HELZ2: variants seen among roughly 807,000 people sequenced by gnomAD.
HELZ2 encodes the protein helicase with zinc finger 2.
In HELZ2, 143 loss-of-function variants were observed where a neutral mutation model predicts 208.8. That is an observed-to-expected ratio of 0.68 (90% CI 0.60 to 0.79). The LOEUF (loss-of-function observed/expected upper bound fraction) is 0.79, where lower values mean the gene tolerates loss of function less well. Ranked by LOEUF, HELZ2 falls within the 30% of genes least tolerant of loss-of-function variation. The pLI is 0.00. For synonymous variants in HELZ2, 1,705 were observed against 1,693.7 expected (o/e 1.01, Z -0.16); for missense variants, 3,690 against 3,794.5 (o/e 0.97, Z 0.72).
upstream of HELZ2, chr20:63,572,656 G>A (rs1483083037): frequency 2.2e-5 from 10 of 448,956 alleles, no homozygotes; most frequent in Admixed American, 1.2e-4. Flanking sequence ...CGAAGCGGCC[G>A]CCAAACTCCG....
At chr20:63,573,843 T>G (rs957087538), upstream of HELZ2, among the ~76,000 whole-genome samples, 1 of 151,976 alleles carries the variant, frequency 6.6e-6, no homozygotes, top group Non-Finnish European at 1.5e-5. The surrounding 1 kb of genome is among the most constrained non-coding windows in gnomAD (Gnocchi z 4.9). Flanking sequence ...GAGGCAGACT[T>G]CAGTATGAGA....
At chr20:63,568,238 G>T (rs1317329092) in intron 5 of HELZ2, 120 bp downstream of exon 6, 3 of 788,688 alleles carry the variant, frequency 3.8e-6, no homozygotes, top group Non-Finnish European at 6.3e-6. Context: ...GCCCAAAGCT[G>T]GTCGGCTACA....
At chr20:63,560,225 G>A (rs867555513) in exon 17 of HELZ2, 1 of 1,558,256 alleles carries the variant, frequency 6.4e-7, no homozygotes, top group Non-Finnish European at 8.7e-7. Context: ...TCTCGCCGAA[G>A]GGCCTTGCTG....
upstream of HELZ2, chr20:63,572,591 TCCA>T (rs1235372877): frequency 1.8e-6 from 1 of 564,248 alleles, no homozygotes; most frequent in Non-Finnish European, 3.1e-6. Flanking sequence ...CCCCTGGGGG[TCCA>T]CGCGACAGAT....
At chr20:63,563,469 G>A in exon 8 of HELZ2, 1 of 1,518,398 alleles carries the variant, frequency 6.6e-7, no homozygotes, top group Non-Finnish European at 8.8e-7. Flanking sequence ...CGGCCTGCCA[G>A]GGCGTGGGGG....
chr20:63,563,186 C>T lies in HELZ2; in HGVS notation c.5636G>A (p.Ser1879Asn), dbSNP rs1569030554. The T allele has an allele frequency of 3.1e-6, 5 of 1,590,368 alleles. No individual in the cohort carries two copies. Among genetic ancestry groups the T allele is most frequent in the East Asian group, 2.3e-5 (1 of 44,274 alleles). Reference sequence around the variant, plus strand: ...GAGCTGCACCTGCAGGGTGTCCCCACTGCCCAGCTCCCGGGCCACCTCCAG... The same window carrying T: ...GAGCTGCACCTGCAGGGTGTCCCCATTGCCCAGCTCCCGGGCCACCTCCAG... The change falls in exon 8 of 19, where the codon AGT (serine) becomes AAT (asparagine). Residue 1879 changes from serine to asparagine, a missense_variant. By Grantham distance (46) the Ser-to-Asn change is conservative. Coordinates refer to ENST00000467148, the Ensembl canonical transcript of HELZ2.
intron 18 of HELZ2, 97 bp downstream of exon 19, chr20:63,559,831 A>C: frequency 7.7e-7 from 1 of 1,298,556 alleles, no homozygotes. Flanking sequence ...AGTCAGGGTC[A>C]GGTCGGAGTC....
exon 8 of HELZ2, chr20:63,563,495 A>T: frequency 6.6e-7 from 1 of 1,510,280 alleles, no homozygotes; most frequent in Admixed American, 2.1e-5. Context: ...GGCCAGCTGC[A>T]GGGAGCCGTA....
At chr20:63,572,475 G>C, upstream of HELZ2, 1 of 1,352,874 alleles carries the variant, frequency 7.4e-7, no homozygotes, top group Admixed American at 2.9e-5. Context: ...GCAGGAGGCT[G>C]GCCGGCCCGG....
Position 63,560,076 on chromosome 20 carries a change from C to T in HELZ2, c.7677G>A (p.Val2559=), listed in dbSNP as rs777452929. 1.8e-5 allele frequency: 29 copies of T among 1,603,630 alleles called. No individual in the cohort carries two copies. In the South Asian group the frequency reaches 3.0e-4, roughly 17 times the overall value. ...CACAGGTGCGGACGGTGCTCACCAG[C>T]ACATAGCGCCACTCGCTCCCTGCGG... The change falls in exon 18 of 19, where the codon GTG becomes GTA. Residue 2559 remains valine, a synonymous_variant. Coordinates refer to ENST00000467148, the Ensembl canonical transcript of HELZ2.
chr20:63,570,516 G>C, exon 3 of HELZ2: 1 of 1,613,138 alleles, frequency 6.2e-7, no homozygotes, highest in Non-Finnish European at 8.5e-7. Context: ...CAGAGTGGAC[G>C]GCAAACGTCC....
chr20:63,561,067 C>G lies in HELZ2; in HGVS notation c.7146+15G>C. ...GGACGCCTGCTCATGCTGCCCACAC[C>G]CCCCGCCGACCAACCTTCTCGGCCT... On this transcript the variant is annotated intron_variant, in intron 14 of 18. Coordinates refer to ENST00000467148, the Ensembl canonical transcript of HELZ2. 3 of 1,605,372 alleles carry G rather than the reference C, an allele frequency of 1.9e-6. No individual in the cohort carries two copies. Among genetic ancestry groups the G allele is most frequent in the Non-Finnish European group, 2.6e-6 (3 of 1,175,096 alleles).
intron 11 of HELZ2, 32 bp downstream of exon 12, chr20:63,561,791 C>T: frequency 6.4e-7 from 1 of 1,553,820 alleles, no homozygotes; most frequent in East Asian, 2.3e-5. Context: ...GTGCCAGCTC[C>T]CCAAAGGCCC....
chr20:63,559,958 T>A (rs1000708819), exon 18 of HELZ2: 1 of 1,611,594 alleles, frequency 6.2e-7, no homozygotes, highest in Non-Finnish European at 8.5e-7. Flanking sequence ...TGGGCCCGCG[T>A]GACAGCCACA....
At chr20:63,563,982 C>T (rs754203316) in exon 8 of HELZ2, 4 of 1,602,422 alleles carry the variant, frequency 2.5e-6, no homozygotes, top group Non-Finnish European at 3.4e-6. Flanking sequence ...TGTTCGTAGT[C>T]CTGGGTGCGG....
intron 3 of HELZ2, 94 bp downstream of exon 4, chr20:63,570,410 T>C: frequency 2.0e-6 from 2 of 1,008,950 alleles, no homozygotes; most frequent in Non-Finnish European, 3.1e-6. Context: ...GCCTCGGTAT[T>C]AGCTCCATGA....
exon 13 of HELZ2, chr20:63,561,379 C>A: frequency 6.2e-7 from 1 of 1,613,080 alleles, no homozygotes. Context: ...AGAAGAGCTC[C>A]CCTCTCTGCA....
chr20:63,570,953 T>A, intron 1 of HELZ2, 85 bp from the exon 3 acceptor site: 6 of 1,073,650 alleles, frequency 5.6e-6, no homozygotes, highest in Non-Finnish European at 8.0e-6. Flanking sequence ...AGCCCAATAC[T>A]GGCCTCTGTA....
rs1016549473 is a variant in HELZ2 at position 63,566,336 on chromosome 20, T to C, written c.2590+42A>G. 2.0e-6 allele frequency: 3 copies of C among 1,536,286 alleles called. No homozygotes were observed. In the African/African-American group the frequency reaches 4.1e-5, roughly 21 times the overall value. ...GGAGTGGGCCGAGCCACCCGGGGTA[T>C]CCTGGGGCAGCTGGCAGCACCTGGC... is the stretch of plus-strand genomic sequence containing the variant. On this transcript the variant is annotated intron_variant, in intron 7 of 18. Coordinates refer to ENST00000467148, the Ensembl canonical transcript of HELZ2.
Sources: allele counts gnomAD v4.1 joint callset (sites outside exome capture counted in the v4.1 genomes callset), GRCh38; gene constraint gnomAD v4.1.1; non-coding constraint Gnocchi (gnomAD v3.1); transcripts MANE v1.5; gene names NCBI Gene and HGNC (gene_info 2026-07-23, HGNC 2026-07-21).